LRP8: variants seen among roughly 807,000 people sequenced by gnomAD.
LRP8 encodes the protein low-density lipoprotein receptor-related protein 8.
Under a neutral mutation model 111.6 loss-of-function variants are expected in LRP8, and 46 were observed. The observed-to-expected ratio is 0.41, with a 90% CI of 0.33 to 0.53. The LOEUF is 0.53. LRP8 is among the 20% of genes least tolerant of loss of function. LRP8 has a pLI of 0.20. For synonymous variants in LRP8, 464 were observed against 511.2 expected, an observed-to-expected ratio of 0.91 and a Z score of 1.24; for missense variants, 959 against 1,297.4, an observed-to-expected ratio of 0.74 and a Z score of 4.01.
intron 2 of LRP8, among the ~76,000 whole-genome samples, chr1:53,308,029 C>T (rs1012099282): frequency 6.6e-6 from 1 of 152,222 alleles, no homozygotes; most frequent in African/African-American, 2.4e-5. Flanking sequence ...TTCCCAGCAG[C>T]CCTGGCGGAG....
chr1:53,271,462 A>G, intron 6 of LRP8, 116 bp from the exon 7 acceptor site: 2 of 1,183,346 alleles, frequency 1.7e-6, no homozygotes, highest in East Asian at 2.4e-5. Flanking sequence ...CCATAGAGGC[A>G]GGAGGGCTCC....
chr1:53,273,948 C>T (rs972974346), intron 6 of LRP8, among the ~76,000 whole-genome samples: 4 of 150,150 alleles, frequency 2.7e-5, no homozygotes, highest in African/African-American at 9.8e-5. Flanking sequence ...TCCCTCAAGC[C>T]CTAACCTGGG....
In LRP8 at chr1:53,320,006, C is replaced by T. The variant is rs552158647; in HGVS notation, c.244+6867G>A. ...ATGGCCCAGTCCTGCCACTGACCAG[C>T]GGGGCCACCCGGGGCAAGTGACTTC... On this transcript the variant is annotated intron_variant, in intron 2 of 18. Transcript: ENST00000306052. Among the ~76,000 whole-genome samples the T allele has an allele frequency of 1.0e-4, 16 of 152,408 alleles. No individual in the cohort carries two copies. The South Asian group carries it at 3.1e-3, about 30-fold the overall frequency.
Position 53,294,842 on chromosome 1 carries a change from T to C in LRP8, c.245-5153A>G, listed in dbSNP as rs946293778. On this transcript the variant is annotated intron_variant, in intron 2 of 18. Coordinates refer to ENST00000306052, the MANE Select transcript of LRP8 (RefSeq NM_004631.5). This position sits in a 1 kb window ranked among gnomAD's most constrained non-coding sequence, Gnocchi z 4.1. ...TCCTTCCCTGAGACAGTATACATCC[T>C]TCCCATGCTGCTCCCCACCCACACG... Among the ~76,000 whole-genome samples, 3 of 152,344 alleles carry C rather than the reference T, an allele frequency of 2.0e-5. No individual in the cohort carries two copies. Among genetic ancestry groups the C allele is most frequent in the African/African-American group, 7.2e-5 (3 of 41,568 alleles).
chr1:53,261,537 A>T (rs1469957609), intron 12 of LRP8, among the ~76,000 whole-genome samples: 1 of 152,238 alleles, frequency 6.6e-6, no homozygotes, highest in Non-Finnish European at 1.5e-5. Flanking sequence ...TTCCCGGAGA[A>T]GAAAAGTCAT....
chr1:53,307,924 C>A (rs1290282677), intron 2 of LRP8, among the ~76,000 whole-genome samples: 2 of 152,220 alleles, frequency 1.3e-5, no homozygotes, highest in African/African-American at 4.8e-5. Context: ...TGAGTAGATA[C>A]CTAGCCTAGC....
chr1:53,308,750 A>C (rs1041137028), intron 2 of LRP8, among the ~76,000 whole-genome samples: 1 of 152,208 alleles, frequency 6.6e-6, no homozygotes, highest in African/African-American at 2.4e-5. Flanking sequence ...AGATCAGCAC[A>C]GGAAGCCAGA....
In LRP8 at chr1:53,260,673, G is replaced by T. The variant is rs1646298872; in HGVS notation, c.1915-68C>A. On this transcript the variant is annotated intron_variant, in intron 12 of 18. Transcript: ENST00000306052. ...ATCCATGACCTCAGTCTGAGGGGTTGGCCCCAAACCATAGTCACAAGAACT... is the reference window on the plus strand; with the variant it reads ...ATCCATGACCTCAGTCTGAGGGGTTTGCCCCAAACCATAGTCACAAGAACT... 1.6e-5 allele frequency: 25 copies of T among 1,529,204 alleles called. 1 individual carries two copies. In the South Asian group the frequency reaches 2.9e-4, roughly 18 times the overall value. 94.7% of individuals were successfully genotyped at this position (1,529,204 alleles called of 1,614,324 possible). A position where few individuals can be genotyped will look rare whatever the true frequency, so the allele number is the denominator to read the frequency against.
chr1:53,287,032 C>G (rs904107810), intron 3 of LRP8, among the ~76,000 whole-genome samples: 1 of 152,232 alleles, frequency 6.6e-6, no homozygotes, highest in African/African-American at 2.4e-5. Context: ...AGACCTGAAC[C>G]CAACTATATC....
chr1:53,270,322 C>G (rs1460338259), intron 8 of LRP8, among the ~76,000 whole-genome samples: 1 of 152,210 alleles, frequency 6.6e-6, no homozygotes, highest in Admixed American at 6.5e-5. Context: ...CCAGAAACTG[C>G]TCACTCTGCA....
At position 53,294,347 on chromosome 1, in the gene LRP8, G is replaced by C. The variant is rs918673104; in HGVS notation, c.245-4658C>G. On this transcript the variant is annotated intron_variant, in intron 2 of 18. Transcript: ENST00000306052. This position sits in a 1 kb window ranked among gnomAD's most constrained non-coding sequence, Gnocchi z 4.1. ...TGACCCCAGGGTAGAGTAGGGGAGAGTGGGAAATCCAGGACAAAGGAAGTG... is the reference window on the plus strand; with the variant it reads ...TGACCCCAGGGTAGAGTAGGGGAGACTGGGAAATCCAGGACAAAGGAAGTG... 6.6e-6 allele frequency among the ~76,000 whole-genome samples: 1 copy of C among 152,198 alleles called. No individual in the cohort carries two copies. The highest frequency in any genetic ancestry group is 2.4e-5 in the African/African-American group (1 of 41,448).
chr1:53,313,922 T>A (rs956403856), intron 2 of LRP8, among the ~76,000 whole-genome samples: 1 of 152,068 alleles, frequency 6.6e-6, no homozygotes. Flanking sequence ...GAACAGAAAC[T>A]AGGCAGGGGC....
chr1:53,307,483 C>T (rs1652200610), intron 2 of LRP8: 1 of 152,292 alleles, frequency 6.6e-6, no homozygotes, highest in African/African-American at 2.4e-5. Flanking sequence ...GACGTGCAGA[C>T]ACTCAGGCAC....
intron 6 of LRP8, among the ~76,000 whole-genome samples, chr1:53,272,437 T>C (rs1646787922): frequency 6.6e-6 from 1 of 152,134 alleles, no homozygotes; most frequent in South Asian, 2.1e-4. Context: ...TCTCCCCCTC[T>C]GCCCCCCAGG....
rs112461779 is a variant in LRP8, at chr1:53,274,565, C to T, written c.1006+1066G>A. ...AAAAGCCCCATGTGAAGCCATAGGA[C>T]GGCACATGAATCCAAAGAGAGGGTC... On this transcript the variant is annotated intron_variant, in intron 6 of 18. Transcript: ENST00000306052. The T allele has an allele frequency of 7.7e-3, 3,099 of 400,660 alleles. 18 individuals are homozygous for T. Among genetic ancestry groups the T allele is most frequent in the Non-Finnish European group, 0.012 (2,307 of 197,060 alleles). 24.8% of individuals were successfully genotyped at this position (400,660 alleles called of 1,614,324 possible). A position where few individuals can be genotyped will look rare whatever the true frequency, so the allele number is the denominator to read the frequency against.
At chr1:53,319,477 T>A (rs1194610281) in intron 2 of LRP8, among the ~76,000 whole-genome samples, 1 of 152,144 alleles carries the variant, frequency 6.6e-6, no homozygotes, top group Non-Finnish European at 1.5e-5. Context: ...TGGGTGACTC[T>A]CAGTTTCCCA....
intron 2 of LRP8, among the ~76,000 whole-genome samples, chr1:53,309,566 G>C (rs1201046702): frequency 6.6e-6 from 1 of 152,208 alleles, no homozygotes. Context: ...AGGATCCAGA[G>C]AGCCACGGTG....
intron 2 of LRP8, among the ~76,000 whole-genome samples, chr1:53,298,254 A>C (rs2100487918): frequency 6.6e-6 from 1 of 152,324 alleles, no homozygotes; most frequent in East Asian, 1.9e-4. Flanking sequence ...CACCACAGGG[A>C]AGAAGAGCGT....
At position 53,244,139 on chromosome 1, in the gene LRP8, GTT is replaced by G. The variant is rs767896642; in HGVS notation, c.*2877_*2878del. The G allele has an allele frequency of 6.6e-6, 1 of 152,240 alleles. No homozygotes were observed. Among genetic ancestry groups the G allele is most frequent in the Non-Finnish European group, 1.5e-5 (1 of 68,042 alleles). 9.4% of individuals were successfully genotyped at this position (152,240 alleles called of 1,614,324 possible). A position where few individuals can be genotyped will look rare whatever the true frequency, so the allele number is the denominator to read the frequency against. On this transcript the variant is annotated 3_prime_UTR_variant, in exon 19 of 19. Transcript: ENST00000306052. Reference sequence around the variant, plus strand: ...TGTGTATCAAGAGTAAATAAGTACAGTTTCGTTTTCTCTGTTTCTAGAAGGCA... The same window carrying G: ...TGTGTATCAAGAGTAAATAAGTACAGTCGTTTTCTCTGTTTCTAGAAGGCA...
Sources: allele counts gnomAD v4.1 joint callset (sites outside exome capture counted in the v4.1 genomes callset), GRCh38; gene constraint gnomAD v4.1.1; non-coding constraint Gnocchi (gnomAD v3.1); transcripts MANE v1.5; gene names NCBI Gene and HGNC (gene_info 2026-07-23, HGNC 2026-07-21).